The following TSHR variants were observed in gnomAD, a reference collection of about 807,000 sequenced individuals.
TSHR encodes thyrotropin receptor.
TSHR carries 51 observed loss-of-function variants against 64.1 expected under a neutral mutation model. That is an observed-to-expected ratio of 0.80 (90% CI 0.64 to 1.01). The LOEUF is 1.01. Among genes scored for constraint, TSHR ranks in the 50% least tolerant of loss-of-function variants. The pLI, the probability that TSHR is intolerant of heterozygous loss-of-function variation, is 0.00. For missense variants in TSHR, 877 were observed against 942.8 expected, an observed-to-expected ratio of 0.93 and a Z score of 0.91; for synonymous variants, 361 against 361.9, an observed-to-expected ratio of 1.00 and a Z score of 0.03.
At chr14:81,061,322 CAATAT>C (rs1162472422) in intron 1 of TSHR, among the ~76,000 whole-genome samples, 1 of 151,978 alleles carries the variant, frequency 6.6e-6, no homozygotes, top group Non-Finnish European at 1.5e-5. Context: ...ATACATAATA[CAATAT>C]ATTATGTTGT....
intron 1 of TSHR, chr14:80,981,981 T>C (rs904462605): frequency 2.5e-5 from 8 of 325,926 alleles, no homozygotes; most frequent in African/African-American, 1.3e-4. Flanking sequence ...GTAACTGGGC[T>C]TCAACCATGA....
At chr14:81,121,917 T>A (rs1233625425) in intron 8 of TSHR, among the ~76,000 whole-genome samples, 3 of 141,112 alleles carry the variant, frequency 2.1e-5, no homozygotes, top group Non-Finnish European at 4.6e-5. Context: ...CACTCCAGCC[T>A]GGGAGACAGA....
chr14:81,024,479 C>T (rs1005268215), intron 1 of TSHR, among the ~76,000 whole-genome samples: 4 of 152,072 alleles, frequency 2.6e-5, no homozygotes, highest in Admixed American at 2.0e-4. Context: ...GATCTCCTGA[C>T]CTCATGATCT....
chr14:80,977,636 C>A (rs1887945915), intron 1 of TSHR, among the ~76,000 whole-genome samples: 1 of 152,116 alleles, frequency 6.6e-6, no homozygotes, highest in Non-Finnish European at 1.5e-5. Flanking sequence ...CCTCTTTTTT[C>A]ACTTTTCACT....
At position 81,038,908 on chromosome 14, in the gene TSHR, C is replaced by T. The variant is rs1044492069; in HGVS notation, c.171-23240C>T. Among the ~76,000 whole-genome samples, 4 of 151,448 alleles carry T rather than the reference C, an allele frequency of 2.6e-5. No homozygotes were observed. In the East Asian group the frequency reaches 5.8e-4, roughly 22 times the overall value. On this transcript the variant is annotated intron_variant, in intron 1 of 9. Transcript: ENST00000298171. ...AGATTCAATCAGTAATAAAAATTTC[C>T]GATCACAGAAAACCATGGGACCTGA...
chr14:81,010,332 G>A (rs535645649), intron 1 of TSHR, among the ~76,000 whole-genome samples: 9 of 151,474 alleles, frequency 5.9e-5, no homozygotes, highest in Non-Finnish European at 1.3e-4. Context: ...TTAACTTTAT[G>A]TAATTTTTTA....
chr14:81,145,388 A>G lies in TSHR; in HGVS notation c.*1035A>G, dbSNP rs1891889606. ...TCCTTGAAGCCTAGACACATGACCC[A>G]GGAAATTTTTCCTTTGTTTCACTTT... On this transcript the variant is annotated 3_prime_UTR_variant, in exon 10 of 10. Coordinates refer to ENST00000298171, the MANE Select transcript of TSHR (RefSeq NM_000369.5). 8.6e-6 allele frequency: 2 copies of G among 233,094 alleles called. No individual in the cohort carries two copies. The highest frequency in any genetic ancestry group is 2.2e-5 in the African/African-American group (1 of 45,354). 14.4% of individuals were successfully genotyped at this position (233,094 alleles called of 1,614,324 possible).
At chr14:80,982,500 G>C in intron 1 of TSHR, 1 of 1,045,890 alleles carries the variant, frequency 9.6e-7, no homozygotes, top group South Asian at 2.7e-5. Context: ...AGGAGGAAGA[G>C]AATGTCATTG....
intron 1 of TSHR, chr14:81,013,100 T>C (rs1890008195): frequency 1.3e-5 from 2 of 152,176 alleles, no homozygotes; most frequent in African/African-American, 4.8e-5. Flanking sequence ...CTTTAATCCA[T>C]CTTGAATTGA....
rs2139668952 is a variant in TSHR, at chr14:80,955,668, A to T, written c.-13A>T. ...TTCGGAGGATGGAGAAATAGCCCCG[A>T]GTCCCGTGGAAAATGAGGCCGGCGG... On this transcript the variant is annotated 5_prime_UTR_variant, in exon 1 of 10. Coordinates refer to ENST00000298171, the MANE Select transcript of TSHR (RefSeq NM_000369.5). 6.2e-7 allele frequency: 1 copy of T among 1,613,722 alleles called. No individual in the cohort carries two copies. The highest frequency in any genetic ancestry group is 8.5e-7 in the Non-Finnish European group (1 of 1,179,920).
chr14:81,096,639 G>A lies in TSHR; in HGVS notation c.546G>A (p.Leu182=). Residue 182 remains leucine, a splice_region_variant and synonymous_variant, in exon 7 of 10, where the codon CTG becomes CTA. Transcript: ENST00000298171. ...FQGLCNETLT[L]KLYNNGFTSV... is the part of the protein sequence containing the mutation. Reference sequence around the variant, plus strand: ...TTTCTCTTCTCTCTGTTGGTTGTAGGAAGCTGTACAACAATGGCTTTACTT... The same window carrying A: ...TTTCTCTTCTCTCTGTTGGTTGTAGAAAGCTGTACAACAATGGCTTTACTT... 1.9e-6 allele frequency: 3 copies of A among 1,613,538 alleles called. No homozygotes were observed. Among genetic ancestry groups the A allele is most frequent in the South Asian group, 1.1e-5 (1 of 91,064 alleles).
At chr14:81,004,194 C>T (rs79952354) in intron 1 of TSHR, among the ~76,000 whole-genome samples, 1 of 152,140 alleles carries the variant, frequency 6.6e-6, no homozygotes, top group Non-Finnish European at 1.5e-5. Flanking sequence ...GCACTTTACT[C>T]GTCTCCCCTC....
intron 1 of TSHR, chr14:81,001,447 C>T (rs770867871): frequency 6.8e-5 from 33 of 486,328 alleles, no homozygotes; most frequent in Non-Finnish European, 9.8e-5. Context: ...GCTTTATTTA[C>T]CTGGGTATGC....
intron 1 of TSHR, among the ~76,000 whole-genome samples, chr14:81,041,827 A>G (rs1884938351): frequency 2.0e-5 from 3 of 152,166 alleles, no homozygotes; most frequent in African/African-American, 7.2e-5. Flanking sequence ...GTACAGTAAT[A>G]TACTATACAG....
intron 1 of TSHR, among the ~76,000 whole-genome samples, chr14:81,005,105 A>G (rs1478102241): frequency 1.3e-5 from 2 of 152,116 alleles, no homozygotes; most frequent in Non-Finnish European, 2.9e-5. Context: ...CTCTCCTATA[A>G]TATTTAAGGG....
intron 1 of TSHR, among the ~76,000 whole-genome samples, chr14:81,027,166 T>G (rs1884106221): frequency 6.7e-6 from 1 of 149,950 alleles, no homozygotes; most frequent in East Asian, 1.9e-4. Flanking sequence ...AAGACTAGAG[T>G]AGGAAAAAAT....
intron 1 of TSHR, chr14:81,051,253 A>T (rs1163021325): frequency 6.6e-6 from 1 of 152,218 alleles, no homozygotes; most frequent in Admixed American, 6.5e-5. Flanking sequence ...ATTCAGTCAC[A>T]TTTCAGGCTC....
chr14:81,081,159 C>T (rs1445987261), intron 3 of TSHR, among the ~76,000 whole-genome samples: 1 of 152,028 alleles, frequency 6.6e-6, no homozygotes, highest in Non-Finnish European at 1.5e-5. Context: ...TGCACTCCAG[C>T]CTGGGCAGCA....
chr14:81,045,925 G>A (rs900879533), intron 1 of TSHR, among the ~76,000 whole-genome samples: 2 of 152,158 alleles, frequency 1.3e-5, no homozygotes, highest in African/African-American at 4.8e-5. Context: ...TTTACTCACT[G>A]GTATTCAGAT....
Sources: allele counts gnomAD v4.1 joint callset (sites outside exome capture counted in the v4.1 genomes callset), GRCh38; gene constraint gnomAD v4.1.1; transcripts MANE v1.5; gene names NCBI Gene and HGNC (gene_info 2026-07-23, HGNC 2026-07-21).